AGXT: variants seen among roughly 807,000 people sequenced by gnomAD.
AGXT encodes the protein L-alanine: glyoxylate aminotransferase 1.
A neutral mutation model predicts 46.9 loss-of-function variants in AGXT; 41 were observed. The observed-to-expected ratio is 0.88, with a 90% CI of 0.68 to 1.14. The LOEUF (loss-of-function observed/expected upper bound fraction) is 1.14. AGXT is among the 50% of genes most tolerant of loss of function. The pLI, the probability that AGXT is intolerant of heterozygous loss-of-function variation, is 0.00. For synonymous variants in AGXT, 244 were observed against 227.9 expected (o/e 1.07, Z -0.64); for missense variants, 525 against 522.7 (o/e 1.00, Z -0.04).
rs372021565 is a variant in AGXT at position 240,878,787 on chromosome 2, C to T, written c.1145C>T (p.Ala382Val). 25 of 1,594,634 alleles carry T rather than the reference C, an allele frequency of 1.6e-5. No homozygotes were observed. The highest frequency in any genetic ancestry group is 1.0e-4 in the South Asian group (9 of 87,588). Residue 382 changes from alanine (A) to valine (V), a missense_variant, in exon 11 of 11, where the codon GCG becomes GTG. Ala to Val is a moderately conservative substitution (Grantham distance 64). Coordinates refer to ENST00000307503, the MANE Select transcript of AGXT (RefSeq NM_000030.3). ...NVDRVTEALR[A>V]ALQHCPKKKL ...GACCGCGTGACGGAGGCCCTGAGGGCGGCCCTGCAGCACTGCCCCAAGAAG... is the reference window on the plus strand; with the variant it reads ...GACCGCGTGACGGAGGCCCTGAGGGTGGCCCTGCAGCACTGCCCCAAGAAG...
At chr2:240,877,916 G>C in intron 9 of AGXT, 106 bp from the exon 10 acceptor site, 1 of 1,507,816 alleles carries the variant, frequency 6.6e-7, no homozygotes, top group Non-Finnish European at 9.0e-7. Flanking sequence ...TTTCTCCCCC[G>C]GCTCCTCTGG....
intron 8 of AGXT, chr2:240,877,231 C>T (rs1162480347): frequency 5.3e-6 from 3 of 567,122 alleles, no homozygotes; most frequent in Admixed American, 2.2e-5. Flanking sequence ...TGTAGCCCAA[C>T]AGCCCTTCCC....
At chr2:240,877,830 C>T (rs910899086) in intron 9 of AGXT, among the ~76,000 whole-genome samples, 192 bp from the exon 10 acceptor site, 4 of 152,208 alleles carry the variant, frequency 2.6e-5, no homozygotes, top group African/African-American at 7.2e-5. Flanking sequence ...GATCTCAGGA[C>T]GGCCTGTGAT....
intron 9 of AGXT, 128 bp from the exon 10 acceptor site, chr2:240,877,894 C>A (rs559106528): frequency 2.2e-6 from 3 of 1,352,648 alleles, no homozygotes; most frequent in East Asian, 2.4e-5. Flanking sequence ...GGTCCCTGCT[C>A]TCTCCCGGCC....
chr2:240,878,683 G>T, intron 10 of AGXT, 31 bp from the exon 11 acceptor site: 1 of 1,537,126 alleles, frequency 6.5e-7, no homozygotes, highest in Non-Finnish European at 8.7e-7. Context: ...CCAGGCGGGA[G>T]GCTGACGTCA....
chr2:240,875,759 C>T (rs2059021362), intron 7 of AGXT, among the ~76,000 whole-genome samples, 176 bp from the exon 8 acceptor site: 2 of 152,242 alleles, frequency 1.3e-5, no homozygotes, highest in Non-Finnish European at 1.5e-5. Flanking sequence ...CTCTCCCTGG[C>T]AGACGAAGCT....
intron 2 of AGXT, among the ~76,000 whole-genome samples, chr2:240,869,683 G>A (rs1209632912): frequency 6.6e-6 from 1 of 151,766 alleles, no homozygotes; most frequent in Non-Finnish European, 1.5e-5. Context: ...CCCGGCCGCT[G>A]TCCAGGGCCC....
chr2:240,878,183 A>G (rs375430409), intron 10 of AGXT, 33 bp downstream of exon 10: 3 of 1,610,278 alleles, frequency 1.9e-6, no homozygotes, highest in Non-Finnish European at 2.5e-6. Context: ...CCTTTTGCAG[A>G]AACCAAACCC....
chr2:240,871,390 C>A lies in AGXT; in HGVS notation c.465C>A (p.His155Gln). 6.2e-7 allele frequency: 1 copy of A among 1,600,088 alleles called. No individual in the cohort carries two copies. Reference protein sequence around the residue: ...QHKPVLLFLTHGESSTGVLQP... With the variant: ...QHKPVLLFLTQGESSTGVLQP... ...AGCCAGTGCTGCTGTTCTTAACCCA[C>A]GGGGAGTCGTCCACCGGCGTGCTGC... Residue 155 changes from histidine (H) to glutamine (Q), a missense_variant, in exon 4 of 11, where the codon CAC (histidine) becomes CAA (glutamine). His to Gln is a conservative substitution (Grantham distance 24, BLOSUM62 0). Transcript: ENST00000307503.
At position 240,870,719 on chromosome 2, in the gene AGXT, C is replaced by T. The variant is rs1004510369; in HGVS notation, c.423+11C>T. On this transcript the variant is annotated intron_variant, in intron 3 of 10. Coordinates refer to ENST00000307503, the MANE Select transcript of AGXT (RefSeq NM_000030.3). ...CAGGAGGTGGAGGAGGTAGGGGACCCGGGGTGGGGGTCAGGGCCGGGAGGA... is the reference window on the plus strand; with the variant it reads ...CAGGAGGTGGAGGAGGTAGGGGACCTGGGGTGGGGGTCAGGGCCGGGAGGA... The T allele has an allele frequency of 5.8e-6, 9 of 1,546,086 alleles. No homozygotes were observed. The highest frequency in any genetic ancestry group is 3.9e-5 in the Admixed American group (2 of 51,048).
At chr2:240,872,253 C>T (rs1357994686) in intron 4 of AGXT, among the ~76,000 whole-genome samples, 4 of 132,654 alleles carry the variant, frequency 3.0e-5, no homozygotes, top group East Asian at 2.3e-4. Flanking sequence ...GATAAGAGTT[C>T]GTGAACATGC....
Position 240,870,692 on chromosome 2 carries a change from T to G in AGXT, c.407T>G (p.Leu136Arg). ...MTKDPGGHYT[L>R]QEVEEGLAQH... is the part of the protein sequence containing the mutation. ...AAGGACCCTGGAGGCCACTACACAC[T>G]GCAGGAGGTGGAGGAGGTAGGGGAC... The change falls in exon 3 of 11, where the codon CTG becomes CGG. Residue 136 changes from leucine (L) to arginine (R), a missense_variant. Transcript: ENST00000307503. The G allele has an allele frequency of 6.4e-7, 1 of 1,555,342 alleles. No individual in the cohort carries two copies. Among genetic ancestry groups the G allele is most frequent in the Non-Finnish European group, 8.7e-7 (1 of 1,149,442 alleles).
chr2:240,876,063 C>T (rs1299455919), intron 8 of AGXT, 59 bp downstream of exon 8: 24 of 1,565,900 alleles, frequency 1.5e-5, no homozygotes, highest in African/African-American at 5.4e-5. Flanking sequence ...GTCGAGGGCG[C>T]GGCCTGCAGA....
intron 10 of AGXT, 23 bp downstream of exon 10, chr2:240,878,173 C>T (rs1375109022): frequency 1.2e-6 from 2 of 1,611,098 alleles, no homozygotes; most frequent in Non-Finnish European, 1.7e-6. Context: ...GCCTCGAGGG[C>T]CTTTTGCAGA....
In AGXT at chr2:240,869,375, C is replaced by G; in HGVS notation, c.358+13C>G. On this transcript the variant is annotated intron_variant, in intron 2 of 10. Coordinates refer to ENST00000307503, the MANE Select transcript of AGXT (RefSeq NM_000030.3). ...GGGGAGCGCATAGGTAAGGGAGAGG[C>G]CCAGGTGGGGATGGCCCTGGATCCA... 1 of 1,566,334 alleles carries G rather than the reference C, an allele frequency of 6.4e-7. No individual in the cohort carries two copies. Among genetic ancestry groups the G allele is most frequent in the Non-Finnish European group, 8.7e-7 (1 of 1,154,254 alleles).
At chr2:240,875,647 G>A (rs528821493) in intron 7 of AGXT, among the ~76,000 whole-genome samples, 6 of 152,352 alleles carry the variant, frequency 3.9e-5, no homozygotes, top group Admixed American at 3.3e-4. Context: ...TGCCGGCTTC[G>A]CAGGCACGCT....
chr2:240,871,223 A>T, intron 3 of AGXT, 126 bp from the exon 4 acceptor site: 2 of 796,742 alleles, frequency 2.5e-6, no homozygotes, highest in Non-Finnish European at 4.2e-6. Flanking sequence ...CATGCACACC[A>T]TCAGGGAGGA....
chr2:240,869,409 GGCCTCCCT>G lies in AGXT; in HGVS notation c.358+49_358+56del. On this transcript the variant is annotated intron_variant, in intron 2 of 10. Coordinates refer to ENST00000307503, the MANE Select transcript of AGXT (RefSeq NM_000030.3). ...GGATGGCCCTGGATCCATCCTTCAA[GGCCTCCCT>G]GGCCTCCCTCTGTTTGAAGCTGGCA... The G allele has an allele frequency of 4.8e-6, 3 of 630,150 alleles. No homozygotes were observed. In the South Asian group the frequency reaches 8.1e-5, roughly 17 times the overall value. The allele number at this position is 630,150 out of a possible 1,614,324, so 39.0% of individuals were successfully genotyped here. A position where few individuals can be genotyped will look rare whatever the true frequency, so the allele number is the denominator to read the frequency against.
chr2:240,870,105 C>T, intron 2 of AGXT, among the ~76,000 whole-genome samples: 1 of 152,180 alleles, frequency 6.6e-6, no homozygotes. Flanking sequence ...CCCTTGGCCG[C>T]AGGTTCTTCC....
Sources: gnomAD v4.1 joint callset for allele counts (sites outside exome capture counted in the v4.1 genomes callset) on GRCh38, gnomAD v4.1.1 for gene constraint, MANE v1.5 for transcripts, NCBI Gene and HGNC (gene_info 2026-07-23, HGNC 2026-07-21) for gene names.